PSMB3: variants seen among roughly 807,000 people sequenced by gnomAD.
The protein encoded by PSMB3 is proteasome 20S subunit beta 3, also known as proteasome subunit beta type-3.
PSMB3 carries 5 observed loss-of-function variants against 23.3 expected under a neutral mutation model. The ratio of observed to expected loss-of-function variants is 0.21; its 90% confidence interval spans 0.11 to 0.45. The LOEUF (loss-of-function observed/expected upper bound fraction) is 0.45. PSMB3 is among the 20% of genes least tolerant of loss of function. The probability of loss-of-function intolerance (pLI) is 0.99; values close to 1 mark genes in which losing one functional copy is unlikely to be tolerated. For synonymous variants in PSMB3, 85 were observed against 99.8 expected, an observed-to-expected ratio of 0.85 and a Z score of 0.88; for missense variants, 192 against 277.9, an observed-to-expected ratio of 0.69 and a Z score of 2.20.
chr17:38,764,055 G>C, intron 5 of PSMB3, 64 bp from the exon 6 acceptor site: 2 of 1,599,198 alleles, frequency 1.3e-6, no homozygotes, highest in South Asian at 2.2e-5. Context: ...AGGGCCAGGA[G>C]AGCTAGTCAC....
At chr17:38,761,823 G>A (rs543896437) in intron 4 of PSMB3, among the ~76,000 whole-genome samples, 3 of 152,310 alleles carry the variant, frequency 2.0e-5, no homozygotes, top group East Asian at 3.9e-4. Context: ...GGCTGTTACC[G>A]CCTGCAGGAG....
chr17:38,752,768 G>A lies in PSMB3; in HGVS notation c.-59G>A, dbSNP rs890255322. On this transcript the variant is annotated 5_prime_UTR_variant, in exon 1 of 6. Transcript: ENST00000619426. The surrounding 1 kb of genome is among the most constrained non-coding windows in gnomAD (Gnocchi z 5.5). Reference sequence around the variant, plus strand: ...CAGTGAGAGCGGTTGCGCAGTGAAGGCTAGACCCGGTTTACTGGAATTGCT... The same window carrying A: ...CAGTGAGAGCGGTTGCGCAGTGAAGACTAGACCCGGTTTACTGGAATTGCT... 35 of 1,610,376 alleles carry A rather than the reference G, an allele frequency of 2.2e-5. No homozygotes were observed. The Admixed American group carries it at 3.5e-4, about 16-fold the overall frequency.
intron 1 of PSMB3, 53 bp from the exon 2 acceptor site, chr17:38,753,097 G>A (rs930665765): frequency 5.9e-6 from 9 of 1,530,416 alleles, no homozygotes; most frequent in Middle Eastern, 2.2e-4. Flanking sequence ...TGGGCCGGGG[G>A]CTGTGGCAGC....
At chr17:38,756,884 C>CTT (rs969627335) in intron 3 of PSMB3, among the ~76,000 whole-genome samples, 1 of 138,570 alleles carries the variant, frequency 7.2e-6, no homozygotes, top group Non-Finnish European at 1.6e-5. Context: ...AAAACTTTTT[C>CTT]TTTTTTTTTT....
chr17:38,752,838 G>C lies in PSMB3; in HGVS notation c.3+9G>C, dbSNP rs1038452234. The C allele has an allele frequency of 1.9e-6, 3 of 1,614,046 alleles. No homozygotes were observed. The highest frequency in any genetic ancestry group is 2.5e-6 in the Non-Finnish European group (3 of 1,179,978). On this transcript the variant is annotated intron_variant, in intron 1 of 5. Coordinates refer to ENST00000619426, the MANE Select transcript of PSMB3 (RefSeq NM_002795.4). The surrounding 1 kb of genome is among the most constrained non-coding windows in gnomAD (Gnocchi z 5.5). The stretch of plus-strand genomic sequence containing the variant: ...AGTACACCGCAATCATGGTGAGATG[G>C]GGAGTTAAAGCAAAGGGGCATGGGG...
At chr17:38,754,197 C>T (rs1908060601) in intron 2 of PSMB3, among the ~76,000 whole-genome samples, 1 of 151,946 alleles carries the variant, frequency 6.6e-6, no homozygotes, top group Admixed American at 6.6e-5. Context: ...CGGCTGGGCG[C>T]GGTGGCTCAC....
rs892592552 is a variant in PSMB3, at chr17:38,753,738, C to T, written c.188+404C>T. On this transcript the variant is annotated intron_variant, in intron 2 of 5. Transcript: ENST00000619426. ...AAGTGATCCACCTGCCTCAGCCTCCCAAAGTGCTGGGATTACAGGCATGAG... is the reference window on the plus strand; with the variant it reads ...AAGTGATCCACCTGCCTCAGCCTCCTAAAGTGCTGGGATTACAGGCATGAG... Among the ~76,000 whole-genome samples the T allele has an allele frequency of 2.0e-5, 3 of 152,202 alleles. No homozygotes were observed. In the East Asian group the frequency reaches 5.8e-4, roughly 29 times the overall value.
intron 5 of PSMB3, 40 bp from the exon 6 acceptor site, chr17:38,764,078 GA>G (rs748454444): frequency 6.2e-7 from 1 of 1,613,296 alleles, no homozygotes; most frequent in African/African-American, 1.3e-5. Context: ...TCACGGTCCA[GA>G]TGGGTAGAGA....
At chr17:38,754,298 T>A (rs1333094474) in intron 2 of PSMB3, among the ~76,000 whole-genome samples, 1 of 152,038 alleles carries the variant, frequency 6.6e-6, no homozygotes, top group East Asian at 1.9e-4. Flanking sequence ...GGTGAAACGC[T>A]GTCTCTACTA....
intron 3 of PSMB3, 168 bp from the exon 4 acceptor site, chr17:38,760,263 G>C (rs1217194120): frequency 3.2e-6 from 2 of 618,970 alleles, no homozygotes; most frequent in East Asian, 5.7e-5. Flanking sequence ...TTTCTAGCTG[G>C]CAGGAGAAGG....
rs1358733579 is a variant in PSMB3, at chr17:38,755,972, A to G, written c.278A>G (p.Asn93Ser). ...KPYTLMSMVA[N>S]LLYEKRFGPY... is the part of the protein sequence containing the mutation. ...TATACCCTCATGAGCATGGTGGCCA[A>G]CCTCTTGTATGAGAAACGGTGAGTG... Residue 93 changes from asparagine (N) to serine (S), a missense_variant, in exon 3 of 6, where the codon AAC becomes AGC. Asn to Ser is a conservative substitution (Grantham distance 46, BLOSUM62 1). Coordinates refer to ENST00000619426, the MANE Select transcript of PSMB3 (RefSeq NM_002795.4). The G allele has an allele frequency of 1.9e-6, 3 of 1,613,626 alleles. No individual in the cohort carries two copies. Among genetic ancestry groups the G allele is most frequent in the East Asian group, 2.2e-5 (1 of 44,874 alleles).
chr17:38,753,722 A>G (rs1010342125), intron 2 of PSMB3, among the ~76,000 whole-genome samples: 22 of 152,074 alleles, frequency 1.4e-4, no homozygotes, highest in South Asian at 8.3e-4. Context: ...CAAGTGATCC[A>G]CCTGCCTCAG....
chr17:38,757,244 C>T (rs991389836), intron 3 of PSMB3, among the ~76,000 whole-genome samples: 6 of 150,684 alleles, frequency 4.0e-5, no homozygotes, highest in Admixed American at 2.6e-4. Context: ...GCTTGCTGGG[C>T]GTGGTGGCTC....
intron 2 of PSMB3, chr17:38,755,230 C>G (rs542273933): frequency 6.6e-6 from 1 of 152,308 alleles, no homozygotes; most frequent in Admixed American, 6.5e-5. Flanking sequence ...CTCAGTCTCC[C>G]AAAGTGCTGG....
At chr17:38,758,989 T>A (rs1267224898) in intron 3 of PSMB3, among the ~76,000 whole-genome samples, 2 of 152,096 alleles carry the variant, frequency 1.3e-5, no homozygotes, top group African/African-American at 4.8e-5. Context: ...GAGCTTGCAG[T>A]GAGCCAAGAT....
At chr17:38,759,922 G>A (rs577717841) in intron 3 of PSMB3, among the ~76,000 whole-genome samples, 1 of 152,306 alleles carries the variant, frequency 6.6e-6, no homozygotes, top group Admixed American at 6.5e-5. Context: ...GACAATGAGA[G>A]TAACCCAGCC....
chr17:38,753,044 C>T lies in PSMB3; in HGVS notation c.4-106C>T, dbSNP rs925292122. 2.2e-6 allele frequency: 3 copies of T among 1,341,442 alleles called. No individual in the cohort carries two copies. The African/African-American group carries it at 4.4e-5, about 20-fold the overall frequency. 83.1% of individuals were successfully genotyped at this position (1,341,442 alleles called of 1,614,324 possible). ...TGGAGAACCAGGGGTTCAGACGCCT[C>T]CGGAATGGAGAACGGGCGTACAGGA... On this transcript the variant is annotated intron_variant, in intron 1 of 5. Coordinates refer to ENST00000619426, the MANE Select transcript of PSMB3 (RefSeq NM_002795.4).
intron 5 of PSMB3, among the ~76,000 whole-genome samples, chr17:38,762,754 TAAC>T (rs922571529): frequency 2.6e-5 from 4 of 152,250 alleles, no homozygotes; most frequent in East Asian, 3.9e-4. Flanking sequence ...ATTTCTTCCT[TAAC>T]AATGTCTCCG....
Position 38,758,944 on chromosome 17 carries a change from G to A in PSMB3, c.297-1487G>A, listed in dbSNP as rs185960943. Among the ~76,000 whole-genome samples the A allele has an allele frequency of 5.3e-5, 8 of 152,212 alleles. No homozygotes were observed. The East Asian group carries it at 1.5e-3, about 29-fold the overall frequency. On this transcript the variant is annotated intron_variant, in intron 3 of 5. Coordinates refer to ENST00000619426, the MANE Select transcript of PSMB3 (RefSeq NM_002795.4). ...ACCTGTAGTCCCAGCTACTCAGGAG[G>A]CTGAGGCAGGAGAATGGCTCGAACC...
Sources: gnomAD v4.1 joint callset for allele counts (sites outside exome capture counted in the v4.1 genomes callset) on GRCh38, gnomAD v4.1.1 for gene constraint, Gnocchi (gnomAD v3.1) non-coding constraint, MANE v1.5 for transcripts, NCBI Gene and HGNC (gene_info 2026-07-23, HGNC 2026-07-21) for gene names.